KMT2E: variants seen among roughly 807,000 people sequenced by gnomAD.
KMT2E encodes the protein histone reader KMT2E.
In KMT2E, 30 loss-of-function variants were observed where a neutral mutation model predicts 184.6. That is an observed-to-expected ratio of 0.16 (90% CI 0.12 to 0.22). The LOEUF (loss-of-function observed/expected upper bound fraction) is 0.22. KMT2E is among the 10% of genes least tolerant of loss of function. The pLI, the probability that KMT2E is intolerant of heterozygous loss-of-function variation, is 1.00. For synonymous variants in KMT2E, 815 were observed against 776.5 expected, an observed-to-expected ratio of 1.05 and a Z score of -0.82; for missense variants, 2,023 against 2,237.4, an observed-to-expected ratio of 0.90 and a Z score of 1.93.
Position 105,112,804 on chromosome 7 carries a change from C to T in KMT2E, c.5048C>T (p.Pro1683Leu). 2 of 1,600,632 alleles carry T rather than the reference C, an allele frequency of 1.2e-6. No individual in the cohort carries two copies. Among genetic ancestry groups the T allele is most frequent in the Non-Finnish European group, 1.7e-6 (2 of 1,173,214 alleles). The stretch of plus-strand genomic sequence containing the variant: ...CACCACTTACCCCCACCCCCACCCC[C>T]TCCTGGTCCTGCCCCTCATCACCAT... ...AGHHLPPPPP[P>L]PGPAPHHHPP... The change falls in exon 27 of 27, where the codon CCT becomes CTT. Residue 1683 changes from proline to leucine, a missense_variant. Physicochemically the swap from Pro to Leu is moderately conservative, Grantham distance 98. Coordinates refer to ENST00000311117, the MANE Select transcript of KMT2E (RefSeq NM_182931.3).
chr7:105,053,503 T>G (rs1449133016), intron 3 of KMT2E, among the ~76,000 whole-genome samples: 1 of 152,208 alleles, frequency 6.6e-6, no homozygotes, highest in Non-Finnish European at 1.5e-5. Context: ...TTTTATTCTC[T>G]CAACTCTAAA....
intron 15 of KMT2E, among the ~76,000 whole-genome samples, chr7:105,096,157 A>G (rs189117154): frequency 3.5e-4 from 52 of 147,664 alleles, no homozygotes; most frequent in Admixed American, 9.6e-4. Flanking sequence ...TGGGAGGCTG[A>G]GGCATGAGAA....
At position 105,112,680 on chromosome 7, in the gene KMT2E, C is replaced by A. The variant is rs1799366274; in HGVS notation, c.4924C>A (p.Gln1642Lys). The A allele has an allele frequency of 6.2e-7, 1 of 1,613,870 alleles. No homozygotes were observed. Among genetic ancestry groups the A allele is most frequent in the Non-Finnish European group, 8.5e-7 (1 of 1,179,994 alleles). ...PPPAPGPHLV[Q>K]QPNSHQQHSV... ...ACCTGCTCCAGGACCGCACCTTGTACAACAGCCGAATTCCCATCAGCAACA... is the reference window on the plus strand; with the variant it reads ...ACCTGCTCCAGGACCGCACCTTGTAAAACAGCCGAATTCCCATCAGCAACA... The change falls in exon 27 of 27, where the codon CAA (glutamine) becomes AAA (lysine). Residue 1642 changes from glutamine to lysine, a missense_variant. Physicochemically the swap from Gln to Lys is moderately conservative, Grantham distance 53. This residue lies in a region of KMT2E where 1,108 missense variants were observed against 1,050.9 expected (regional missense o/e 1.05). Transcript: ENST00000311117.
chr7:105,017,476 CTTTTT>C (rs367910684), intron 1 of KMT2E, among the ~76,000 whole-genome samples: 2 of 113,608 alleles, frequency 1.8e-5, no homozygotes, highest in South Asian at 5.3e-4. Context: ...ATGATACTGG[CTTTTT>C]TTTTTTTTAA....
chr7:105,066,637 CTTATTAAATGA>C, intron 5 of KMT2E, 79 bp from the exon 6 acceptor site: 1 of 988,264 alleles, frequency 1.0e-6, no homozygotes, highest in East Asian at 2.5e-5. Flanking sequence ...AAAGTAGGTG[CTTATTAAATGA>C]TAGTTAAATG....
chr7:105,017,652 G>T (rs1794775158), intron 1 of KMT2E, among the ~76,000 whole-genome samples: 1 of 152,070 alleles, frequency 6.6e-6, no homozygotes, highest in South Asian at 2.1e-4. Flanking sequence ...AAAGAATTTG[G>T]TTCCTTGGGG....
intron 4 of KMT2E, 59 bp downstream of exon 4, chr7:105,062,337 G>T: frequency 8.9e-7 from 1 of 1,124,420 alleles, no homozygotes; most frequent in Non-Finnish European, 1.3e-6. Context: ...GAAAGTAGAT[G>T]CATGTGATAC....
At chr7:105,038,720 A>G (rs776498489) in intron 2 of KMT2E, among the ~76,000 whole-genome samples, 2 of 152,032 alleles carry the variant, frequency 1.3e-5, no homozygotes, top group East Asian at 1.9e-4. Context: ...TGCTTGCTAC[A>G]TTGGCTTTCC....
intron 26 of KMT2E, among the ~76,000 whole-genome samples, chr7:105,111,460 G>T (rs192502087): frequency 9.2e-5 from 14 of 152,080 alleles, no homozygotes; most frequent in African/African-American, 3.4e-4. Flanking sequence ...CTTAGGTTGG[G>T]TATAGAAATT....
Position 105,074,915 on chromosome 7 carries a change from A to G in KMT2E, c.729+100A>G, listed in dbSNP as rs1584762769. On this transcript the variant is annotated intron_variant, in intron 8 of 26. Coordinates refer to ENST00000311117, the MANE Select transcript of KMT2E (RefSeq NM_182931.3). Reference sequence around the variant, plus strand: ...GAGTGAGAATAATCGATGATAGCTAAAAAGGATCTAGCAGAAGTTTTTTAT... The same window carrying G: ...GAGTGAGAATAATCGATGATAGCTAGAAAGGATCTAGCAGAAGTTTTTTAT... The G allele has an allele frequency of 7.5e-6, 6 of 803,842 alleles. No homozygotes were observed. The East Asian group carries it at 1.5e-4, about 21-fold the overall frequency. 49.8% of individuals were successfully genotyped at this position (803,842 alleles called of 1,614,324 possible). A position where few individuals can be genotyped will look rare whatever the true frequency, so the allele number is the denominator to read the frequency against.
chr7:105,029,396 AATTTG>A (rs1795310126), intron 1 of KMT2E, among the ~76,000 whole-genome samples: 4 of 152,304 alleles, frequency 2.6e-5, no homozygotes, highest in Admixed American at 2.0e-4. Context: ...TAAATGAATG[AATTTG>A]ATTTGATTTG....
intron 15 of KMT2E, among the ~76,000 whole-genome samples, chr7:105,096,398 G>A (rs1380362992): frequency 2.0e-5 from 3 of 151,940 alleles, no homozygotes; most frequent in African/African-American, 7.3e-5. Flanking sequence ...ATATTTGATG[G>A]CCTATATTAT....
intron 3 of KMT2E, among the ~76,000 whole-genome samples, chr7:105,044,670 A>G (rs1425270801): frequency 2.0e-5 from 3 of 152,174 alleles, no homozygotes; most frequent in African/African-American, 7.2e-5. Context: ...ATTTCCAAGA[A>G]TAATTCCAGT....
chr7:105,071,843 G>C (rs1311180621), intron 6 of KMT2E, among the ~76,000 whole-genome samples: 1 of 151,216 alleles, frequency 6.6e-6, no homozygotes, highest in Non-Finnish European at 1.5e-5. Flanking sequence ...TTGCATTTTT[G>C]CCAGTTTAAT....
intron 1 of KMT2E, among the ~76,000 whole-genome samples, chr7:105,037,470 C>G (rs534025733): frequency 1.3e-5 from 2 of 152,062 alleles, no homozygotes; most frequent in East Asian, 1.9e-4. Context: ...TCAAACAATC[C>G]TCCCATCTCA....
rs778953706 is a variant in KMT2E, at chr7:105,078,936, C to T, written c.1221C>T (p.Ile407=). Residue 407 remains isoleucine (I), a synonymous_variant, in exon 12 of 27, where the codon ATC becomes ATT. Coordinates refer to ENST00000311117, the MANE Select transcript of KMT2E (RefSeq NM_182931.3). The part of the protein sequence containing the change: ...ARTFGNEARF[I]RRSCTPNAEV... ...CTTTTGGGAATGAGGCTCGATTCAT[C>T]AGGCGGTCTTGTACACCCAATGCAG... The T allele has an allele frequency of 1.2e-6, 2 of 1,609,200 alleles. No individual in the cohort carries two copies. The highest frequency in any genetic ancestry group is 8.5e-7 in the Non-Finnish European group (1 of 1,175,886).
intron 8 of KMT2E, 31 bp downstream of exon 8, chr7:105,074,846 A>T (rs1024983319): frequency 4.5e-6 from 7 of 1,546,766 alleles, no homozygotes. Flanking sequence ...AGGTGAGTGG[A>T]TAGGATAGCG....
chr7:105,100,288 AACAGGT>A (rs1798597197), intron 15 of KMT2E, among the ~76,000 whole-genome samples: 1 of 152,196 alleles, frequency 6.6e-6, no homozygotes, highest in Non-Finnish European at 1.5e-5. Flanking sequence ...AAAATACAGG[AACAGGT>A]AAACAGTAGT....
intron 1 of KMT2E, among the ~76,000 whole-genome samples, chr7:105,020,762 A>G (rs1296596348): frequency 6.6e-6 from 1 of 152,226 alleles, no homozygotes; most frequent in Non-Finnish European, 1.5e-5. Flanking sequence ...GAGTTAAATA[A>G]GCTTAAAGAT....
Sources: allele counts gnomAD v4.1 joint callset (sites outside exome capture counted in the v4.1 genomes callset), GRCh38; gene constraint gnomAD v4.1.1; regional missense constraint gnomAD v4.1.1; transcripts MANE v1.5; gene names NCBI Gene and HGNC (gene_info 2026-07-23, HGNC 2026-07-21).